CST8: variants seen among roughly 807,000 people sequenced by gnomAD.
CST8 encodes cystatin-8.
A neutral mutation model predicts 11.8 loss-of-function variants in CST8; 20 were observed. That is an observed-to-expected ratio of 1.70 (90% CI 1.20 to 2.47). CST8 has a LOEUF of 2.47. Ranked by LOEUF, CST8 falls within the 30% of genes most tolerant of loss-of-function variation. The probability of loss-of-function intolerance (pLI) is 0.00; values close to 1 mark genes in which losing one functional copy is unlikely to be tolerated. For synonymous variants in CST8, 77 were observed against 63.1 expected (o/e 1.22, Z -1.05); for missense variants, 196 against 167.2 (o/e 1.17, Z -0.95).
chr20:23,491,595 C>A lies in CST8; in HGVS notation c.-73C>A. The A allele has an allele frequency of 8.5e-7, 1 of 1,182,082 alleles. No individual in the cohort carries two copies. Among genetic ancestry groups the A allele is most frequent in the Non-Finnish European group, 1.2e-6 (1 of 800,688 alleles). 73.2% of individuals were successfully genotyped at this position (1,182,082 alleles called of 1,614,324 possible). ...GAACCCACAGCAGCAGCTGCGGCCA[C>A]CCCATCCTGCCCACAGCTCCAGCCC... On this transcript the variant is annotated 5_prime_UTR_variant, in exon 2 of 4. Transcript: ENST00000246012.
At chr20:23,494,255 T>A (rs1440642081) in intron 3 of CST8, among the ~76,000 whole-genome samples, 1 of 152,234 alleles carries the variant, frequency 6.6e-6, no homozygotes, top group Admixed American at 6.5e-5. Context: ...TTTTAGGGAT[T>A]GTAGAAAAGT....
At chr20:23,497,674 G>C (rs1053587888), downstream of CST8, among the ~76,000 whole-genome samples, 1 of 152,220 alleles carries the variant, frequency 6.6e-6, no homozygotes, top group Non-Finnish European at 1.5e-5. Flanking sequence ...TGAATAAGGA[G>C]CAAAGTCATG....
At chr20:23,491,449 A>G (rs1987876118) in intron 1 of CST8, 76 bp from the exon 2 acceptor site, 3 of 580,228 alleles carry the variant, frequency 5.2e-6, no homozygotes, top group Non-Finnish European at 9.2e-6. Flanking sequence ...CTTAACTGGC[A>G]TTCCTGGGTG....
chr20:23,505,761 G>A, the CST8 span, among the ~76,000 whole-genome samples: 1 of 152,094 alleles, frequency 6.6e-6, no homozygotes, highest in Non-Finnish European at 1.5e-5. Flanking sequence ...GTGGCACTGG[G>A]AGCTTGCTAG....
downstream of CST8, chr20:23,496,108 C>A: frequency 1.8e-6 from 1 of 567,684 alleles, no homozygotes; most frequent in Non-Finnish European, 3.1e-6. Flanking sequence ...CCGAACACAG[C>A]CACGCACCTT....
chr20:23,501,933 C>T, the CST8 span, among the ~76,000 whole-genome samples: 1 of 152,192 alleles, frequency 6.6e-6, no homozygotes, highest in African/African-American at 2.4e-5. Flanking sequence ...TGTGTGGACA[C>T]GCCGGCTTTC....
At chr20:23,500,988 G>A (rs1243106892), downstream of CST8, among the ~76,000 whole-genome samples, 2 of 152,200 alleles carry the variant, frequency 1.3e-5, no homozygotes, top group African/African-American at 2.4e-5. Flanking sequence ...GGCCTACTGC[G>A]GGTGATGGAG....
intron 2 of CST8, among the ~76,000 whole-genome samples, chr20:23,492,202 A>T (rs1987908449): frequency 6.6e-6 from 1 of 152,200 alleles, no homozygotes; most frequent in African/African-American, 2.4e-5. Flanking sequence ...CCATGAGAAA[A>T]GATCTGATAA....
chr20:23,496,466 A>G (rs1231994634), downstream of CST8, among the ~76,000 whole-genome samples: 1 of 152,196 alleles, frequency 6.6e-6, no homozygotes, highest in South Asian at 2.1e-4. Context: ...CAGAGATCAC[A>G]TGCTTCACAA....
rs1427482667 is a variant in CST8 at position 23,493,019 on chromosome 20, C to T, written c.293C>T (p.Pro98Leu). 1.9e-6 allele frequency: 3 copies of T among 1,613,632 alleles called. No individual in the cohort carries two copies. The highest frequency in any genetic ancestry group is 1.7e-5 in the Admixed American group (1 of 60,014). Residue 98 changes from proline (P) to leucine (L), a missense_variant, in exon 3 of 4, where the codon CCT (proline) becomes CTT (leucine). Transcript: ENST00000246012. ...VEIARSDCRKPLSTNEICAIQ... is the reference protein window; with the variant it reads ...VEIARSDCRKLLSTNEICAIQ... ...ATTGCCCGCAGCGATTGCAGAAAGC[C>T]TTTAAGCACTAATGAAATCTGCGCC...
intron 2 of CST8, 34 bp from the exon 3 acceptor site, chr20:23,492,924 T>G (rs1249478831): frequency 1.6e-6 from 2 of 1,224,422 alleles, no homozygotes; most frequent in African/African-American, 3.0e-5. Flanking sequence ...AGTACAACTC[T>G]TTTGAATAAA....
At chr20:23,505,699 T>A in the CST8 span, among the ~76,000 whole-genome samples, 1 of 152,180 alleles carries the variant, frequency 6.6e-6, no homozygotes, top group Non-Finnish European at 1.5e-5. Context: ...GAAAATGAGA[T>A]GTCCTCCATT....
At chr20:23,501,455 T>C in the CST8 span, among the ~76,000 whole-genome samples, 1 of 152,250 alleles carries the variant, frequency 6.6e-6, no homozygotes, top group African/African-American at 2.4e-5. Flanking sequence ...CCCCATCCCG[T>C]GTCGGGTCCC....
chr20:23,500,332 T>C (rs1320955983), downstream of CST8, among the ~76,000 whole-genome samples: 4 of 152,110 alleles, frequency 2.6e-5, no homozygotes, highest in African/African-American at 7.2e-5. Flanking sequence ...AGCAGCAGCA[T>C]AGAGCTCAGA....
At chr20:23,493,357 C>T (rs1315240447) in intron 3 of CST8, among the ~76,000 whole-genome samples, 2 of 152,186 alleles carry the variant, frequency 1.3e-5, no homozygotes, top group Non-Finnish European at 2.9e-5. Context: ...CACTGGACAA[C>T]ACATAATCAC....
At chr20:23,504,485 T>C in the CST8 span, among the ~76,000 whole-genome samples, 1 of 152,020 alleles carries the variant, frequency 6.6e-6, no homozygotes, top group African/African-American at 2.4e-5. Context: ...CCAAATAAAC[T>C]CTCTATATTA....
At chr20:23,506,909 G>A in the CST8 span, among the ~76,000 whole-genome samples, 1 of 152,152 alleles carries the variant, frequency 6.6e-6, no homozygotes, top group African/African-American at 2.4e-5. Flanking sequence ...GACTCGTTAA[G>A]GTTTGGGGTG....
rs1157727038 is a variant in CST8, at chr20:23,491,640, G to C, written c.-28G>C. 1 of 1,573,566 alleles carries C rather than the reference G, an allele frequency of 6.4e-7. No individual in the cohort carries two copies. The highest frequency in any genetic ancestry group is 8.7e-7 in the Non-Finnish European group (1 of 1,143,840). On this transcript the variant is annotated 5_prime_UTR_variant, in exon 2 of 4. Transcript: ENST00000246012. The stretch of plus-strand genomic sequence containing the variant: ...CAGCCCTGAGACGACGAGGAGGAGA[G>C]TCGACTTTGCCTCTTGCCCAAGGGA...
the CST8 span, among the ~76,000 whole-genome samples, chr20:23,502,057 G>T: frequency 2.4e-3 from 360 of 152,330 alleles, 2 homozygotes; most frequent in African/African-American, 8.4e-3. Flanking sequence ...CAGTGACTGA[G>T]CCCTGTTCCA....
Sources: allele counts gnomAD v4.1 joint callset (sites outside exome capture counted in the v4.1 genomes callset), GRCh38; gene constraint gnomAD v4.1.1; transcripts MANE v1.5; gene names NCBI Gene and HGNC (gene_info 2026-07-23, HGNC 2026-07-21).